Variants in NSMCE2 observed in about 807,000 individuals in gnomAD.
The protein encoded by NSMCE2 is NSE2 SUMO ligase component of SMC5/6 complex.
Under a neutral mutation model 23.8 loss-of-function variants are expected in NSMCE2, and 24 were observed. The observed-to-expected ratio is 1.01, with a 90% CI of 0.73 to 1.42. The LOEUF is 1.42. Among genes scored for constraint, NSMCE2 ranks in the 40% most tolerant of loss-of-function variants. NSMCE2 has a pLI of 0.00. For missense variants in NSMCE2, 284 were observed against 296.5 expected (o/e 0.96, Z 0.31); for synonymous variants, 92 against 94.1 (o/e 0.98, Z 0.13).
chr8:125,220,378 G>A (rs1824794706), intron 5 of NSMCE2, among the ~76,000 whole-genome samples: 1 of 151,932 alleles, frequency 6.6e-6, no homozygotes, highest in South Asian at 2.1e-4. Context: ...AAAAAATTAA[G>A]GCATTATCAT....
intron 5 of NSMCE2, among the ~76,000 whole-genome samples, chr8:125,319,968 G>A (rs549961186): frequency 7.2e-4 from 109 of 152,154 alleles, no homozygotes; most frequent in South Asian, 1.9e-3. Context: ...CTGAGGTCAG[G>A]AGTTCCAGAC....
chr8:125,272,107 G>C (rs540963777), intron 5 of NSMCE2, among the ~76,000 whole-genome samples: 2 of 145,222 alleles, frequency 1.4e-5, no homozygotes, highest in African/African-American at 5.1e-5. Flanking sequence ...TCCGCCTCCC[G>C]GGTTCACGCC....
chr8:125,328,477 A>T (rs1280742299), intron 5 of NSMCE2, among the ~76,000 whole-genome samples: 1 of 152,230 alleles, frequency 6.6e-6, no homozygotes, highest in Non-Finnish European at 1.5e-5. Context: ...GCCAGGCACA[A>T]GGAGTATCTT....
At chr8:125,345,976 C>T (rs1379947032) in intron 5 of NSMCE2, among the ~76,000 whole-genome samples, 2 of 152,052 alleles carry the variant, frequency 1.3e-5, no homozygotes, top group African/African-American at 4.8e-5. Flanking sequence ...CCCAACATGG[C>T]AAAACCCCGT....
intron 5 of NSMCE2, among the ~76,000 whole-genome samples, chr8:125,320,306 A>G (rs1272079773): frequency 2.5e-5 from 3 of 120,536 alleles, no homozygotes; most frequent in African/African-American, 9.0e-5. Context: ...GGAAGGAAGG[A>G]AGGGAAGGGA....
intron 3 of NSMCE2, among the ~76,000 whole-genome samples, chr8:125,118,349 C>G (rs975806266): frequency 6.6e-6 from 1 of 151,902 alleles, no homozygotes; most frequent in African/African-American, 2.4e-5. Flanking sequence ...CCACCGCACT[C>G]CAGCCTGGGT....
chr8:125,357,084 T>G, intron 5 of NSMCE2, 135 bp from the exon 6 acceptor site: 1 of 621,434 alleles, frequency 1.6e-6, no homozygotes, highest in Non-Finnish European at 2.9e-6. Flanking sequence ...GCAGAAGAGT[T>G]TCTATGCATC....
intron 5 of NSMCE2, among the ~76,000 whole-genome samples, chr8:125,216,809 A>G (rs1824607963): frequency 6.6e-6 from 1 of 152,174 alleles, no homozygotes; most frequent in African/African-American, 2.4e-5. Context: ...AATACTGTTT[A>G]TACTCCAACC....
chr8:125,145,207 T>A (rs2130645371), intron 3 of NSMCE2, among the ~76,000 whole-genome samples: 1 of 152,314 alleles, frequency 6.6e-6, no homozygotes, highest in South Asian at 2.1e-4. Context: ...CCTTCCTGGT[T>A]TGAATAACAC....
At chr8:125,134,974 A>C (rs56326134) in intron 3 of NSMCE2, among the ~76,000 whole-genome samples, 21,263 of 151,932 alleles carry the variant, frequency 0.14, 2,439 homozygotes, top group African/African-American at 0.32. Context: ...GTGGCTCAAT[A>C]TTGGCTTATT....
intron 3 of NSMCE2, among the ~76,000 whole-genome samples, chr8:125,121,145 A>G (rs1319737429): frequency 6.6e-6 from 1 of 152,230 alleles, no homozygotes; most frequent in Non-Finnish European, 1.5e-5. Flanking sequence ...GGAGAAAGAA[A>G]TGTTAGTTGG....
chr8:125,148,650 C>T (rs183849588), intron 3 of NSMCE2, among the ~76,000 whole-genome samples: 3 of 152,240 alleles, frequency 2.0e-5, no homozygotes, highest in African/African-American at 7.2e-5. Context: ...TTCAGGTTAC[C>T]AGCCTTACCC....
At chr8:125,164,786 G>T (rs1032709142) in intron 4 of NSMCE2, among the ~76,000 whole-genome samples, 1 of 152,012 alleles carries the variant, frequency 6.6e-6, no homozygotes, top group African/African-American at 2.4e-5. Flanking sequence ...TAATGATATG[G>T]TTTATGTTTA....
At chr8:125,219,460 C>T (rs1824750253) in intron 5 of NSMCE2, among the ~76,000 whole-genome samples, 1 of 152,032 alleles carries the variant, frequency 6.6e-6, no homozygotes, top group Non-Finnish European at 1.5e-5. Flanking sequence ...GAGTCATTTA[C>T]TGCTGCTGCT....
intron 4 of NSMCE2, among the ~76,000 whole-genome samples, chr8:125,172,145 A>T (rs556293492): frequency 6.6e-6 from 1 of 152,202 alleles, no homozygotes; most frequent in African/African-American, 2.4e-5. Flanking sequence ...CAGAACTGGG[A>T]TTTAAAGGTT....
rs111815933 is a variant in NSMCE2, at chr8:125,111,329, G to A, written c.157+8842G>A. 6.9e-3 allele frequency among the ~76,000 whole-genome samples: 1,043 copies of A among 152,060 alleles called. 21 individuals carry two copies. Among genetic ancestry groups the A allele is most frequent in the African/African-American group, 0.024 (994 of 41,456 alleles). On this transcript the variant is annotated intron_variant, in intron 3 of 7. Transcript: ENST00000287437. ...CCTTGAGAGAATAGTTTTAAATCCG[G>A]GTGCTTTGGGGGTAAGATTCTAGTT...
At chr8:125,275,164 C>G (rs1013436016) in intron 5 of NSMCE2, among the ~76,000 whole-genome samples, 1 of 151,856 alleles carries the variant, frequency 6.6e-6, no homozygotes, top group African/African-American at 2.4e-5. Flanking sequence ...CTTCACACCC[C>G]CCTTCCATAT....
At chr8:125,110,872 T>A (rs1326326151) in intron 3 of NSMCE2, among the ~76,000 whole-genome samples, 1 of 151,198 alleles carries the variant, frequency 6.6e-6, no homozygotes, top group Non-Finnish European at 1.5e-5. Context: ...GGAGGTCATG[T>A]ATGGTCATGG....
intron 5 of NSMCE2, among the ~76,000 whole-genome samples, chr8:125,234,684 C>T (rs144961916): frequency 1.3e-3 from 192 of 152,232 alleles, no homozygotes; most frequent in African/African-American, 4.4e-3. Context: ...CCCATCAAAC[C>T]AGTTATAAAC....
Sources: gnomAD v4.1 joint callset for allele counts (sites outside exome capture counted in the v4.1 genomes callset) on GRCh38, gnomAD v4.1.1 for gene constraint, MANE v1.5 for transcripts, NCBI Gene and HGNC (gene_info 2026-07-23, HGNC 2026-07-21) for gene names.